Variants in DLC1 observed in about 807,000 individuals in gnomAD.
DLC1 encodes DLC1 Rho GTPase activating protein, also known as rho GTPase-activating protein 7.
A neutral mutation model predicts 140.3 loss-of-function variants in DLC1; 54 were observed. The ratio of observed to expected loss-of-function variants is 0.38; its 90% CI spans 0.31 to 0.48. DLC1 has a LOEUF of 0.48. DLC1 is among the 20% of genes least tolerant of loss of function. The pLI is 0.96. For synonymous variants in DLC1, 986 were observed against 728.1 expected (o/e 1.35, Z -5.70); for missense variants, 2,536 against 1,907.0 (o/e 1.33, Z -6.14).
chr8:13,532,994 A>G (rs969894628), intron 1 of DLC1, among the ~76,000 whole-genome samples: 1 of 152,198 alleles, frequency 6.6e-6, no homozygotes, highest in African/African-American at 2.4e-5. Flanking sequence ...TTTTGATAGC[A>G]TAACCCAATT....
intron 1 of DLC1, among the ~76,000 whole-genome samples, chr8:13,514,054 A>G (rs1400627634): frequency 2.0e-5 from 3 of 152,168 alleles, no homozygotes; most frequent in African/African-American, 7.2e-5. Context: ...TTTTAAATGA[A>G]CCTTTTAAGC....
At chr8:13,524,970 C>A (rs1032027943) in intron 1 of DLC1, among the ~76,000 whole-genome samples, 10 of 152,120 alleles carry the variant, frequency 6.6e-5, no homozygotes, top group South Asian at 4.1e-4. Context: ...TTCCTCCTGC[C>A]TCTTTGCCAT....
chr8:13,530,841 C>T lies in DLC1; in HGVS notation c.-125-30645G>A, dbSNP rs78098452. On this transcript the variant is annotated intron_variant, in intron 1 of 1. Coordinates refer to the DLC1 transcript ENST00000631382. ...TTTCGGAGTCATGAAATACAGCTTA[C>T]GTGGTTAAAAACAAATGAAAAACTC... Among the ~76,000 whole-genome samples the T allele has an allele frequency of 5.9e-5, 9 of 152,194 alleles. No individual in the cohort carries two copies. In the East Asian group the frequency reaches 1.2e-3, roughly 20 times the overall value.
chr8:13,470,431 T>C (rs1800152672), intron 2 of DLC1, among the ~76,000 whole-genome samples: 1 of 152,084 alleles, frequency 6.6e-6, no homozygotes, highest in South Asian at 2.1e-4. Flanking sequence ...CCCCTCCTAA[T>C]AACCTCATTA....
At chr8:13,296,607 G>C (rs1425208296) in intron 5 of DLC1, among the ~76,000 whole-genome samples, 3 of 152,278 alleles carry the variant, frequency 2.0e-5, no homozygotes, top group African/African-American at 7.2e-5. Context: ...TGTATGAGTT[G>C]TTTCATCTAC....
At chr8:13,183,784 T>C (rs894229998) in intron 5 of DLC1, among the ~76,000 whole-genome samples, 1 of 152,148 alleles carries the variant, frequency 6.6e-6, no homozygotes, top group African/African-American at 2.4e-5. Context: ...TCTCTTTTTT[T>C]GTTGTGTCTC....
In DLC1 at chr8:13,487,966, C is replaced by G. The variant is rs964253774; in HGVS notation, c.1023+11083G>C. On this transcript the variant is annotated intron_variant, in intron 2 of 17. Coordinates refer to ENST00000276297, the MANE Select transcript of DLC1 (RefSeq NM_182643.3). ...GTACATTTCTTGCCTGCTTTACACTCTGACTAAAATACCTTTGGGGACCTC... is the reference window on the plus strand; with the variant it reads ...GTACATTTCTTGCCTGCTTTACACTGTGACTAAAATACCTTTGGGGACCTC... 3.9e-5 allele frequency among the ~76,000 whole-genome samples: 6 copies of G among 152,318 alleles called. No homozygotes were observed. In the South Asian group the frequency reaches 6.2e-4, roughly 16 times the overall value.
intron 4 of DLC1, chr8:13,338,776 G>C (rs1011548986): frequency 6.6e-6 from 1 of 152,128 alleles, no homozygotes; most frequent in Non-Finnish European, 1.5e-5. Context: ...CCCAACTAGC[G>C]ACATGGAATC....
At chr8:13,238,341 G>T (rs995570917) in intron 5 of DLC1, among the ~76,000 whole-genome samples, 1 of 151,820 alleles carries the variant, frequency 6.6e-6, no homozygotes, top group African/African-American at 2.4e-5. Flanking sequence ...CTGAAATCCC[G>T]TCTCTACAAA....
intron 4 of DLC1, among the ~76,000 whole-genome samples, chr8:13,365,290 G>A (rs1478847546): frequency 4.6e-5 from 7 of 152,262 alleles, no homozygotes; most frequent in Middle Eastern, 3.4e-3. Flanking sequence ...TGAATGCAGT[G>A]AGTCAGATGT....
chr8:13,246,290 C>T lies in DLC1; in HGVS notation c.1348+58979G>A, dbSNP rs557644036. ...CTTTGATTTTAAAAGTCAGAAAGCA[C>T]GTCTTTTAAATATCTTACACTTCTT... is the stretch of plus-strand genomic sequence containing the variant. On this transcript the variant is annotated intron_variant, in intron 5 of 17. Transcript: ENST00000276297. Among the ~76,000 whole-genome samples the T allele has an allele frequency of 1.1e-4, 17 of 152,272 alleles. No individual in the cohort carries two copies. The South Asian group carries it at 1.7e-3, about 15-fold the overall frequency.
chr8:13,158,860 C>T (rs7813795), intron 5 of DLC1, among the ~76,000 whole-genome samples: 3,878 of 151,752 alleles, frequency 0.026, 165 homozygotes, highest in African/African-American at 0.089. Flanking sequence ...CAGAGAGAAA[C>T]AAATCCAGGG....
chr8:13,527,427 G>A (rs1585243740), intron 1 of DLC1, among the ~76,000 whole-genome samples: 3 of 152,176 alleles, frequency 2.0e-5, no homozygotes, highest in Middle Eastern at 3.4e-3. Flanking sequence ...GACAAATGTT[G>A]CATTCCTGGG....
intron 4 of DLC1, among the ~76,000 whole-genome samples, chr8:13,383,327 A>G (rs1475496029): frequency 6.6e-6 from 1 of 152,076 alleles, no homozygotes; most frequent in Non-Finnish European, 1.5e-5. Flanking sequence ...TTGTTATTCC[A>G]TATCTGCCAT....
rs138352002 is a variant in DLC1, at chr8:13,117,525, C to A, written c.1349-1868G>T. On this transcript the variant is annotated intron_variant, in intron 5 of 17. Coordinates refer to ENST00000276297, the MANE Select transcript of DLC1 (RefSeq NM_182643.3). ...TACTTTTGCCCTATCTGTGTGCCTGCCCCCTCCCACAAAACATAGATATGG... is the reference window on the plus strand; with the variant it reads ...TACTTTTGCCCTATCTGTGTGCCTGACCCCTCCCACAAAACATAGATATGG... 5.3e-3 allele frequency among the ~76,000 whole-genome samples: 812 copies of A among 152,198 alleles called. 7 individuals are homozygous for A. Among genetic ancestry groups the A allele is most frequent in the African/African-American group, 0.018 (759 of 41,526 alleles).
intron 5 of DLC1, among the ~76,000 whole-genome samples, chr8:13,140,596 T>G (rs578205981): frequency 7.2e-5 from 11 of 152,184 alleles, no homozygotes; most frequent in South Asian, 4.2e-4. Context: ...ATTATGTATA[T>G]TAGGGATATT....
Position 13,102,843 on chromosome 8 carries a change from T to C in DLC1, c.1513A>G (p.Thr505Ala), listed in dbSNP as rs767848036. 9.3e-6 allele frequency: 15 copies of C among 1,613,924 alleles called. No individual in the cohort carries two copies. The highest frequency in any genetic ancestry group is 1.3e-5 in the Non-Finnish European group (15 of 1,179,982). The change falls in exon 8 of 18, where the codon ACT (threonine) becomes GCT (alanine). Residue 505 changes from threonine to alanine, a missense_variant. Thr to Ala is a moderately conservative substitution (Grantham distance 58). Coordinates refer to ENST00000276297, the MANE Select transcript of DLC1 (RefSeq NM_182643.3). The part of the protein sequence containing the change: ...AIEALCRRLN[T>A]LNKCAVMKLE... ...TTCATCACCGCACATTTGTTTAAAG[T>C]ATTTAGACGCCTATAGAGCAAAGAA...
At chr8:13,094,238 T>C (rs1221296778) in intron 12 of DLC1, among the ~76,000 whole-genome samples, 1 of 152,156 alleles carries the variant, frequency 6.6e-6, no homozygotes, top group East Asian at 1.9e-4. Context: ...ATTGCATCAG[T>C]CATTAGAGAC....
intron 2 of DLC1, among the ~76,000 whole-genome samples, chr8:13,408,868 G>A (rs1585056899): frequency 1.3e-5 from 2 of 151,896 alleles, no homozygotes; most frequent in East Asian, 1.9e-4. Flanking sequence ...ACTTTTCTTG[G>A]TTTGAAAACA....
Sources: gnomAD v4.1 joint callset for allele counts (sites outside exome capture counted in the v4.1 genomes callset) on GRCh38, gnomAD v4.1.1 for gene constraint, MANE v1.5 for transcripts, NCBI Gene and HGNC (gene_info 2026-07-23, HGNC 2026-07-21) for gene names.